ATP6V1B1: variants seen among roughly 807,000 people sequenced by gnomAD.
ATP6V1B1 encodes ATPase H+ transporting V1 subunit B1, also known as V-type proton ATPase subunit B, kidney isoform.
A neutral mutation model predicts 62.1 loss-of-function variants in ATP6V1B1; 41 were observed. The ratio of observed to expected loss-of-function variants is 0.66; its 90% CI spans 0.51 to 0.86. The LOEUF (loss-of-function observed/expected upper bound fraction) is 0.86. ATP6V1B1 is among the 40% of genes least tolerant of loss of function. The probability of loss-of-function intolerance (pLI) is 0.00; values close to 1 mark genes in which losing one functional copy is unlikely to be tolerated. For synonymous variants in ATP6V1B1, 253 were observed against 273.4 expected (o/e 0.93, Z 0.74); for missense variants, 651 against 697.5 (o/e 0.93, Z 0.75).
chr2:70,955,206 T>C (rs1352422648), intron 2 of ATP6V1B1, among the ~76,000 whole-genome samples: 2 of 152,192 alleles, frequency 1.3e-5, no homozygotes, highest in Non-Finnish European at 2.9e-5. Context: ...TTTCACTCTG[T>C]CACCCAGGCT....
chr2:70,953,647 C>T lies in ATP6V1B1; in HGVS notation c.175-4399C>T, dbSNP rs116358591. ...GTTAGGATTTGTGCATCCATGTTCA[C>T]GAGTGAGATTGCCTACAAGTTTCCC... On this transcript the variant is annotated intron_variant, in intron 2 of 13. Transcript: ENST00000234396. Among the ~76,000 whole-genome samples the T allele has an allele frequency of 2.8e-3, 425 of 152,260 alleles. 1 individual carries two copies. The highest frequency in any genetic ancestry group is 9.3e-3 in the African/African-American group (388 of 41,568).
At chr2:70,941,763 T>G in intron 1 of ATP6V1B1, 1 of 985,524 alleles carries the variant, frequency 1.0e-6, no homozygotes, top group Non-Finnish European at 1.2e-6. Flanking sequence ...GAGGAAGAAG[T>G]GGAGAGCCAG....
chr2:70,945,710 A>ATATATG (rs1680148640), intron 2 of ATP6V1B1, among the ~76,000 whole-genome samples: 1 of 93,462 alleles, frequency 1.1e-5, no homozygotes, highest in Non-Finnish European at 2.1e-5. Flanking sequence ...AGATATATAT[A>ATATATG]TATATATATA....
intron 8 of ATP6V1B1, 95 bp downstream of exon 8, chr2:70,961,788 T>C: frequency 8.4e-7 from 1 of 1,189,954 alleles, no homozygotes. Flanking sequence ...ATCCCAGAAC[T>C]ACAGCCATAC....
intron 2 of ATP6V1B1, among the ~76,000 whole-genome samples, chr2:70,944,691 C>A (rs138846869): frequency 2.2e-5 from 3 of 133,524 alleles, no homozygotes; most frequent in Admixed American, 8.0e-5. Context: ...TTTTTTGAGA[C>A]GGAGTCTCAC....
intron 1 of ATP6V1B1, among the ~76,000 whole-genome samples, chr2:70,936,746 G>A (rs781853202): frequency 6.6e-6 from 1 of 152,170 alleles, no homozygotes; most frequent in Non-Finnish European, 1.5e-5. Flanking sequence ...CACTCATGGA[G>A]AGAACACTTG....
intron 2 of ATP6V1B1, among the ~76,000 whole-genome samples, chr2:70,944,957 G>A (rs942522360): frequency 6.6e-6 from 1 of 152,066 alleles, no homozygotes; most frequent in African/African-American, 2.4e-5. Flanking sequence ...GTGAGCCACC[G>A]TGCCCAGCTG....
At chr2:70,943,400 G>C (rs1180053620) in intron 1 of ATP6V1B1, 2 of 619,478 alleles carry the variant, frequency 3.2e-6, no homozygotes, top group Admixed American at 2.3e-5. Context: ...TGTGGTGGGG[G>C]CGGACTCTGA....
chr2:70,936,413 C>T (rs782105645), intron 1 of ATP6V1B1, among the ~76,000 whole-genome samples: 12 of 152,098 alleles, frequency 7.9e-5, no homozygotes, highest in Admixed American at 3.3e-4. Context: ...CTTGTGTAAA[C>T]GTGCCTGTGT....
chr2:70,964,112 G>GTTTTTTTTTTTTTTTTTTTTTTTT (rs1330555546), intron 11 of ATP6V1B1: 8 of 157,304 alleles, frequency 5.1e-5, no homozygotes, highest in African/African-American at 4.3e-4. Flanking sequence ...TGCTTGGCAG[G>GTTTTTTTTTTTTTTTTTTTTTTTT]TATTTTTTTT....
At chr2:70,943,425 T>C in intron 1 of ATP6V1B1, 1 of 664,444 alleles carries the variant, frequency 1.5e-6, no homozygotes. Context: ...GCCTCTGCCC[T>C]CTGCCTGGCC....
intron 2 of ATP6V1B1, among the ~76,000 whole-genome samples, chr2:70,955,706 A>G (rs1680417975): frequency 6.6e-6 from 1 of 152,148 alleles, no homozygotes; most frequent in Non-Finnish European, 1.5e-5. Context: ...TCAATTCGTG[A>G]AAATGTCCTT....
In ATP6V1B1 at chr2:70,963,071, A is replaced by C; in HGVS notation, c.910-91A>C. ...CCATTCCTCCCCTGCCCCCCACTCC[A>C]TTTCTCACAGGGTCACTGAACCTCC... On this transcript the variant is annotated intron_variant, in intron 9 of 13. Transcript: ENST00000234396. This position sits in a 1 kb window ranked among gnomAD's most constrained non-coding sequence, Gnocchi z 4.3. 1 of 1,602,658 alleles carries C rather than the reference A, an allele frequency of 6.2e-7. No individual in the cohort carries two copies. The highest frequency in any genetic ancestry group is 1.3e-5 in the African/African-American group (1 of 74,122).
At chr2:70,943,374 G>A in intron 1 of ATP6V1B1, 1 of 587,602 alleles carries the variant, frequency 1.7e-6, no homozygotes, top group South Asian at 1.9e-5. Context: ...GCAGCCTCAG[G>A]GATGAGAGGC....
rs1273256069 is a variant in ATP6V1B1, at chr2:70,944,290, A to T, written c.174+577A>T. ...TGTGGGCTATTTTGTAGCCCCTGGG[A>T]AACTGGCAGACACTGACAGTATCTT... On this transcript the variant is annotated intron_variant, in intron 2 of 13. Coordinates refer to ENST00000234396, the MANE Select transcript of ATP6V1B1 (RefSeq NM_001692.4). 7.5e-6 allele frequency: 9 copies of T among 1,196,418 alleles called. No individual in the cohort carries two copies. The Admixed American group carries it at 2.3e-4, about 31-fold the overall frequency. 74.1% of individuals were successfully genotyped at this position (1,196,418 alleles called of 1,614,324 possible). A position where few individuals can be genotyped will look rare whatever the true frequency, so the allele number is the denominator to read the frequency against.
At chr2:70,944,755 G>C (rs1167820411) in intron 2 of ATP6V1B1, among the ~76,000 whole-genome samples, 3 of 145,964 alleles carry the variant, frequency 2.1e-5, no homozygotes, top group Non-Finnish European at 3.0e-5. Flanking sequence ...TGCAAGCTCC[G>C]CCCTCCAGGT....
At chr2:70,956,733 G>A (rs1680442346) in intron 2 of ATP6V1B1, among the ~76,000 whole-genome samples, 1 of 152,072 alleles carries the variant, frequency 6.6e-6, no homozygotes, top group Non-Finnish European at 1.5e-5. Context: ...CTCCCAAGCA[G>A]GTGCCCGCCA....
chr2:70,964,382 A>G, intron 11 of ATP6V1B1, 56 bp from the exon 12 acceptor site: 3 of 1,571,014 alleles, frequency 1.9e-6, no homozygotes, highest in Non-Finnish European at 2.6e-6. Context: ...ATTTGGGGAC[A>G]GGGGGAGCAA....
At chr2:70,938,436 TG>T in intron 1 of ATP6V1B1, 1 of 555,366 alleles carries the variant, frequency 1.8e-6, no homozygotes, top group Non-Finnish European at 2.3e-6. Context: ...AGGAGAACTC[TG>T]GGAGAAAAGC....
Sources: gnomAD v4.1 joint callset for allele counts (sites outside exome capture counted in the v4.1 genomes callset) on GRCh38, gnomAD v4.1.1 for gene constraint, Gnocchi (gnomAD v3.1) non-coding constraint, MANE v1.5 for transcripts, NCBI Gene and HGNC (gene_info 2026-07-23, HGNC 2026-07-21) for gene names.